The following WDR59 variants were observed in gnomAD, a reference collection of about 807,000 sequenced individuals.
The protein encoded by WDR59 is GATOR2 complex protein WDR59.
In WDR59, 100 loss-of-function variants were observed where a neutral mutation model predicts 131.2. The ratio of observed to expected loss-of-function variants is 0.76; its 90% CI spans 0.65 to 0.90. WDR59 has a LOEUF of 0.90. WDR59 is among the 40% of genes least tolerant of loss of function. The probability of loss-of-function intolerance (pLI) is 0.00; values close to 1 mark genes in which losing one functional copy is unlikely to be tolerated. For synonymous variants in WDR59, 601 were observed against 466.2 expected (o/e 1.29, Z -3.72); for missense variants, 1,203 against 1,262.2 (o/e 0.95, Z 0.71).
At position 74,885,904 on chromosome 16, in the gene WDR59, G is replaced by A. The variant is rs763553125; in HGVS notation, c.2547-109C>T. 338 of 1,349,424 alleles carry A rather than the reference G, an allele frequency of 2.5e-4. 2 individuals carry two copies. Among genetic ancestry groups the A allele is most frequent in the Non-Finnish European group, 2.9e-4 (290 of 1,000,746 alleles). 83.6% of individuals were successfully genotyped at this position (1,349,424 alleles called of 1,614,324 possible). ...TAAAGCAACAGTCCTGGCCAGGCAC[G>A]GTGGCTAACACCTGTCACTCCCAGC... On this transcript the variant is annotated intron_variant, in intron 24 of 25. Coordinates refer to ENST00000262144, the MANE Select transcript of WDR59 (RefSeq NM_030581.4).
intron 3 of WDR59, among the ~76,000 whole-genome samples, chr16:74,952,126 G>C (rs958759192): frequency 1.5e-4 from 23 of 151,914 alleles, no homozygotes; most frequent in African/African-American, 4.8e-4. Flanking sequence ...ATCACAACTG[G>C]GTCCCGTGTC....
intron 2 of WDR59, chr16:74,959,453 C>T (rs1303490088): frequency 2.3e-6 from 1 of 431,986 alleles, no homozygotes. Context: ...AGGATAGGGA[C>T]TAATGCAACA....
chr16:74,913,252 C>T (rs1027524919), intron 13 of WDR59, among the ~76,000 whole-genome samples: 65 of 151,752 alleles, frequency 4.3e-4, no homozygotes, highest in Admixed American at 9.8e-4. Context: ...GGGCCTGTTC[C>T]CAACACAAAG....
chr16:74,931,493 G>A (rs2031380282), intron 8 of WDR59, among the ~76,000 whole-genome samples: 1 of 151,974 alleles, frequency 6.6e-6, no homozygotes, highest in Admixed American at 6.6e-5. Context: ...TTGCTACCAT[G>A]CCTGGCTAAT....
chr16:74,966,711 C>A (rs1049922455), intron 1 of WDR59, among the ~76,000 whole-genome samples: 60 of 152,284 alleles, frequency 3.9e-4, no homozygotes, highest in African/African-American at 1.4e-3. Flanking sequence ...ACCACCCCTG[C>A]TGAATCCAAG....
At chr16:74,981,014 G>T (rs1311136987) in intron 1 of WDR59, among the ~76,000 whole-genome samples, 1 of 150,194 alleles carries the variant, frequency 6.7e-6, no homozygotes, top group Non-Finnish European at 1.5e-5. Context: ...GATCACTTCA[G>T]CTCAGGAGTT....
chr16:74,928,925 A>G (rs756867512), intron 8 of WDR59, among the ~76,000 whole-genome samples: 1 of 152,146 alleles, frequency 6.6e-6, no homozygotes, highest in Non-Finnish European at 1.5e-5. Flanking sequence ...AATAAAAGAG[A>G]CAATACACAG....
intron 8 of WDR59, 130 bp from the exon 9 acceptor site, chr16:74,924,133 A>G (rs778010665): frequency 3.5e-6 from 3 of 847,244 alleles, no homozygotes; most frequent in Non-Finnish European, 3.7e-6. Context: ...TTTTTAGTTC[A>G]GCTCCTATAA....
chr16:74,939,935 T>C (rs1313829902), intron 7 of WDR59, among the ~76,000 whole-genome samples: 2 of 152,154 alleles, frequency 1.3e-5, no homozygotes, highest in Non-Finnish European at 2.9e-5. Context: ...CAGTGAGCTA[T>C]GATTGTGCAA....
Position 74,872,763 on chromosome 16 carries a change from T to A in WDR59, c.*1446A>T, listed in dbSNP as rs1964033899. The A allele has an allele frequency of 6.6e-6, 1 of 152,238 alleles. No homozygotes were observed. The highest frequency in any genetic ancestry group is 2.4e-5 in the African/African-American group (1 of 41,404). 9.4% of individuals were successfully genotyped at this position (152,238 alleles called of 1,614,324 possible). A position where few individuals can be genotyped will look rare whatever the true frequency, so the allele number is the denominator to read the frequency against. On this transcript the variant is annotated 3_prime_UTR_variant, in exon 26 of 26. Coordinates refer to ENST00000262144, the MANE Select transcript of WDR59 (RefSeq NM_030581.4). ...AAGACTTTGGTTTATTGACAGGGTCTCACTCTGTTGCCCAGGCTGGAGTGC... is the reference window on the plus strand; with the variant it reads ...AAGACTTTGGTTTATTGACAGGGTCACACTCTGTTGCCCAGGCTGGAGTGC...
intron 4 of WDR59, among the ~76,000 whole-genome samples, chr16:74,950,736 A>G (rs979399335): frequency 6.6e-6 from 1 of 152,172 alleles, no homozygotes; most frequent in African/African-American, 2.4e-5. Context: ...GTGACGCAGG[A>G]GCTCTGTAAC....
rs761149218 is a variant in WDR59 at position 74,938,135 on chromosome 16, A to C, written c.651+15T>G. On this transcript the variant is annotated intron_variant, in intron 8 of 25. Coordinates refer to ENST00000262144, the MANE Select transcript of WDR59 (RefSeq NM_030581.4). ...CAAACACTGCTCCTCCAACTTCCCCATGGGTGCCACTGACCTTCACAGAAT... is the reference window on the plus strand; with the variant it reads ...CAAACACTGCTCCTCCAACTTCCCCCTGGGTGCCACTGACCTTCACAGAAT... The C allele has an allele frequency of 5.4e-6, 8 of 1,487,918 alleles. No individual in the cohort carries two copies. In the Admixed American group the frequency reaches 1.4e-4, roughly 26 times the overall value. The allele number at this position is 1,487,918 out of a possible 1,614,324, so 92.2% of individuals were successfully genotyped here.
chr16:74,963,314 C>T (rs2033635329), intron 2 of WDR59: 1 of 152,028 alleles, frequency 6.6e-6, no homozygotes, highest in South Asian at 2.1e-4. Context: ...GCACTATTCA[C>T]AATAGCAAAG....
chr16:74,910,446 C>T (rs563800451), intron 14 of WDR59, among the ~76,000 whole-genome samples: 1 of 152,284 alleles, frequency 6.6e-6, no homozygotes, highest in South Asian at 2.1e-4. Context: ...CAAGGCAGCA[C>T]ACGTGGATTT....
chr16:74,974,155 C>G (rs539434565), intron 1 of WDR59, among the ~76,000 whole-genome samples: 106 of 151,968 alleles, frequency 7.0e-4, no homozygotes, highest in Admixed American at 2.6e-3. Flanking sequence ...GGGCGAAAAG[C>G]AAGACTCCAT....
chr16:74,984,755 C>T (rs1330570093), intron 1 of WDR59: 2 of 637,960 alleles, frequency 3.1e-6, no homozygotes, highest in Non-Finnish European at 5.4e-6. Flanking sequence ...CGTAGGGAGC[C>T]CCGAAACTCC....
intron 1 of WDR59, among the ~76,000 whole-genome samples, chr16:74,971,898 G>T (rs192121544): frequency 2.1e-4 from 20 of 94,730 alleles, no homozygotes; most frequent in Non-Finnish European, 3.8e-4. Flanking sequence ...GTGTAGAGAT[G>T]GGGGGTCGCT....
At chr16:74,914,985 G>C (rs1195748154) in intron 13 of WDR59, among the ~76,000 whole-genome samples, 1 of 152,182 alleles carries the variant, frequency 6.6e-6, no homozygotes, top group East Asian at 1.9e-4. Flanking sequence ...CTCCTTTCTG[G>C]AGAGATACTC....
At position 74,951,309 on chromosome 16, in the gene WDR59, T is replaced by C. The variant is rs539250570; in HGVS notation, c.326+149A>G. 5.0e-5 allele frequency: 36 copies of C among 713,234 alleles called. No homozygotes were observed. The South Asian group carries it at 5.7e-4, about 11-fold the overall frequency. The allele number at this position is 713,234 out of a possible 1,614,324, so 44.2% of individuals were successfully genotyped here. ...TTCCTCACTGTGCTCTTCACCACCA[T>C]CTCAGTGAATGCTAATAACCCGCTG... On this transcript the variant is annotated intron_variant, in intron 4 of 25. Coordinates refer to ENST00000262144, the MANE Select transcript of WDR59 (RefSeq NM_030581.4).
Sources: allele counts gnomAD v4.1 joint callset (sites outside exome capture counted in the v4.1 genomes callset), GRCh38; gene constraint gnomAD v4.1.1; transcripts MANE v1.5; gene names NCBI Gene and HGNC (gene_info 2026-07-23, HGNC 2026-07-21).